The following MON2 variants were observed in gnomAD, a reference collection of about 807,000 sequenced individuals.
MON2 encodes MON2 regulator of endosome-to-Golgi trafficking.
MON2 carries 84 observed loss-of-function variants against 208.6 expected under a neutral mutation model. The ratio of observed to expected loss-of-function variants is 0.40; its 90% CI spans 0.34 to 0.48. The LOEUF (loss-of-function observed/expected upper bound fraction) is 0.48, where lower values mean the gene tolerates loss of function less well. Ranked by LOEUF, MON2 falls within the 20% of genes least tolerant of loss-of-function variation. MON2 has a pLI of 0.59. For synonymous variants in MON2, 660 were observed against 694.0 expected, an observed-to-expected ratio of 0.95 and a Z score of 0.77; for missense variants, 1,611 against 2,015.4, an observed-to-expected ratio of 0.80 and a Z score of 3.84.
chr12:62,534,909 A>G lies in MON2; in HGVS notation c.1698A>G (p.Ser566=), dbSNP rs2072894018. ...GGTGTGGTCTTCTTGCTGCACTCTC[A>G]CTCCTTCTTGATGCCAGGTATTAAG... is the stretch of plus-strand genomic sequence containing the variant. The part of the protein sequence containing the change: ...ACWCGLLAAL[S]LLLDASTDEA... Residue 566 remains serine (S), a synonymous_variant, in exon 13 of 35, where the codon TCA becomes TCG. Transcript: ENST00000393630. 6 of 1,610,884 alleles carry G rather than the reference A, an allele frequency of 3.7e-6. No individual in the cohort carries two copies. Among genetic ancestry groups the G allele is most frequent in the Non-Finnish European group, 5.1e-6 (6 of 1,178,268 alleles).
At chr12:62,582,847 G>GATACTTAAAAGT (rs1328364257) in intron 32 of MON2, among the ~76,000 whole-genome samples, 9 of 152,116 alleles carry the variant, frequency 5.9e-5, no homozygotes, top group African/African-American at 2.2e-4. Flanking sequence ...AGTATGATCT[G>GATACTTAAAAGT]ATAGTCAGAG....
chr12:62,560,248 G>T, intron 25 of MON2: 1 of 347,664 alleles, frequency 2.9e-6, no homozygotes, highest in Non-Finnish European at 5.2e-6. Context: ...AACATTATTT[G>T]ATATATCCAT....
Position 62,582,624 on chromosome 12 carries a change from G to GT in MON2, c.4699+2210dup, listed in dbSNP as rs142604892. ...ACATGGTTAAATTCCCAGGACCTCA[G>GT]TTTTTTACAGATAAACTAAATGGCT... is the stretch of plus-strand genomic sequence containing the variant. On this transcript the variant is annotated intron_variant, in intron 32 of 34. Coordinates refer to ENST00000393630, the MANE Select transcript of MON2 (RefSeq NM_015026.3). Among the ~76,000 whole-genome samples the GT allele has an allele frequency of 6.1e-4, 93 of 152,018 alleles. 1 individual carries two copies. In the East Asian group the frequency reaches 0.015, roughly 25 times the overall value.
intron 23 of MON2, among the ~76,000 whole-genome samples, chr12:62,552,308 T>G (rs1232553666): frequency 6.6e-6 from 1 of 152,166 alleles, no homozygotes; most frequent in Non-Finnish European, 1.5e-5. Context: ...CATATATGAT[T>G]GCAAGTGGGT....
intron 8 of MON2, among the ~76,000 whole-genome samples, chr12:62,518,487 A>AC (rs894863245): frequency 1.3e-5 from 2 of 152,152 alleles, no homozygotes; most frequent in Middle Eastern, 3.4e-3. Context: ...CACACTTTTA[A>AC]CCCCACTACA....
chr12:62,470,776 G>A lies in MON2; in HGVS notation c.111+3458G>A, dbSNP rs953640926. The A allele has an allele frequency of 4.7e-6, 5 of 1,071,906 alleles. No homozygotes were observed. In the Admixed American group the frequency reaches 1.6e-4, roughly 34 times the overall value. The allele number at this position is 1,071,906 out of a possible 1,614,324, so 66.4% of individuals were successfully genotyped here. A position where few individuals can be genotyped will look rare whatever the true frequency, so the allele number is the denominator to read the frequency against. On this transcript the variant is annotated intron_variant, in intron 1 of 34. Transcript: ENST00000393630. Reference sequence around the variant, plus strand: ...ATTCCTAGCAGAGGAAATAGCACACGTTGTTAGTATTCCATGTAAAATAAA... The same window carrying A: ...ATTCCTAGCAGAGGAAATAGCACACATTGTTAGTATTCCATGTAAAATAAA...
In MON2 at chr12:62,595,892, C is replaced by A. The variant is rs938008801; in HGVS notation, c.*3143C>A. Reference sequence around the variant, plus strand: ...CTTGTTTTTTCCATTATATGGTTATCGATTCAACTCTTGCTATATTCCTTA... The same window carrying A: ...CTTGTTTTTTCCATTATATGGTTATAGATTCAACTCTTGCTATATTCCTTA... On this transcript the variant is annotated 3_prime_UTR_variant, in exon 35 of 35. Transcript: ENST00000393630. 6.6e-6 allele frequency: 1 copy of A among 152,112 alleles called. No homozygotes were observed. The highest frequency in any genetic ancestry group is 2.4e-5 in the African/African-American group (1 of 41,412). The allele number at this position is 152,112 out of a possible 1,614,324, so 9.4% of individuals were successfully genotyped here.
rs2075188899 is a variant in MON2, at chr12:62,585,414, C to T, written c.4820C>T (p.Ala1607Val). 1 of 1,613,654 alleles carries T rather than the reference C, an allele frequency of 6.2e-7. No homozygotes were observed. Among genetic ancestry groups the T allele is most frequent in the Non-Finnish European group, 8.5e-7 (1 of 1,179,620 alleles). Residue 1607 changes from alanine to valine, a missense_variant, in exon 33 of 35, where the codon GCA (alanine) becomes GTA (valine). Coordinates refer to ENST00000393630, the MANE Select transcript of MON2 (RefSeq NM_015026.3). ...TPQEGYISRM[A>V]LSVLLKRSQD... ...CAAGAAGGCTACATCTCACGAATGG[C>T]ACTCTCAGTGCTTTTAAAGAGGTCC...
chr12:62,485,185 A>G (rs550091488), intron 2 of MON2, among the ~76,000 whole-genome samples: 1 of 152,304 alleles, frequency 6.6e-6, no homozygotes, highest in South Asian at 2.1e-4. Flanking sequence ...CCCAAGTATT[A>G]CATATGTAAC....
intron 26 of MON2, chr12:62,564,980 G>C (rs1407666710): frequency 3.1e-6 from 1 of 320,002 alleles, no homozygotes; most frequent in Non-Finnish European, 5.7e-6. Flanking sequence ...ACTTCACTTT[G>C]TTGGCCCTTT....
At chr12:62,572,187 T>C (rs2074617453) in intron 30 of MON2, among the ~76,000 whole-genome samples, 1 of 152,218 alleles carries the variant, frequency 6.6e-6, no homozygotes, top group African/African-American at 2.4e-5. Flanking sequence ...AAATGACTAA[T>C]TAAAACCAAA....
rs1414341459 is a variant in MON2, at chr12:62,571,574, T to C, written c.4506T>C (p.Phe1502=). 1 of 1,606,836 alleles carries C rather than the reference T, an allele frequency of 6.2e-7. No homozygotes were observed. The highest frequency in any genetic ancestry group is 1.7e-5 in the Admixed American group (1 of 58,810). Residue 1502 remains phenylalanine (F), a synonymous_variant, in exon 30 of 35, where the codon TTT becomes TTC. Coordinates refer to ENST00000393630, the MANE Select transcript of MON2 (RefSeq NM_015026.3). ...CCAATACTTTTGAAGATTTTCTCTT[T>C]ACTAAAAGGTCAGCTCATTCATTTT... The part of the protein sequence containing the change: ...ELANTFEDFL[F]TKSIPPDNLS...
chr12:62,468,551 G>A (rs536905943), intron 1 of MON2, among the ~76,000 whole-genome samples: 1 of 152,236 alleles, frequency 6.6e-6, no homozygotes, highest in Admixed American at 6.5e-5. Context: ...GGTTTTATCA[G>A]TTTTCAACAA....
chr12:62,572,074 T>C (rs1464457612), intron 30 of MON2, among the ~76,000 whole-genome samples: 2 of 152,222 alleles, frequency 1.3e-5, no homozygotes, highest in Non-Finnish European at 2.9e-5. Flanking sequence ...ACTGAACTAC[T>C]TACTGTAGGA....
chr12:62,466,984 C>T lies in MON2; in HGVS notation c.-224C>T, dbSNP rs2068547002. ...CTCGGCCAGAGTCGGCGGAGCCTAG[C>T]GGGACGGTGCGACTGCGGGGGGCGC... is the stretch of plus-strand genomic sequence containing the variant. On this transcript the variant is annotated 5_prime_UTR_variant, in exon 1 of 35. Transcript: ENST00000393630. 1 of 527,284 alleles carries T rather than the reference C, an allele frequency of 1.9e-6. No homozygotes were observed. The highest frequency in any genetic ancestry group is 3.4e-6 in the Non-Finnish European group (1 of 296,924). 32.7% of individuals were successfully genotyped at this position (527,284 alleles called of 1,614,324 possible).
At chr12:62,505,329 G>T (rs2071043418) in intron 7 of MON2, among the ~76,000 whole-genome samples, 1 of 152,164 alleles carries the variant, frequency 6.6e-6, no homozygotes, top group African/African-American at 2.4e-5. Context: ...AAATTTAAAT[G>T]TTCCTGGCAT....
At chr12:62,522,322 T>G (rs986446369) in intron 8 of MON2, among the ~76,000 whole-genome samples, 1 of 152,208 alleles carries the variant, frequency 6.6e-6, no homozygotes, top group African/African-American at 2.4e-5. Context: ...TAACAAAAGA[T>G]CTCATCACTA....
intron 19 of MON2, among the ~76,000 whole-genome samples, chr12:62,541,803 G>A (rs1006044494): frequency 6.6e-6 from 1 of 152,122 alleles, no homozygotes; most frequent in Non-Finnish European, 1.5e-5. Context: ...GTGAGCTTTG[G>A]ATACCTATAC....
chr12:62,479,169 C>T (rs2069253060), intron 1 of MON2, among the ~76,000 whole-genome samples: 1 of 152,094 alleles, frequency 6.6e-6, no homozygotes, highest in African/African-American at 2.4e-5. Context: ...ATTTAGAAGT[C>T]TTCAGCAGTT....
Sources: allele counts gnomAD v4.1 joint callset (sites outside exome capture counted in the v4.1 genomes callset), GRCh38; gene constraint gnomAD v4.1.1; transcripts MANE v1.5; gene names NCBI Gene and HGNC (gene_info 2026-07-23, HGNC 2026-07-21).